The following ANKFN1 variants were observed in gnomAD, a reference collection of about 807,000 sequenced individuals.
ANKFN1 encodes the protein ankyrin repeat and fibronectin type-III domain-containing protein 1.
A neutral mutation model predicts 108.7 loss-of-function variants in ANKFN1; 74 were observed. The observed-to-expected ratio is 0.68, with a 90% CI of 0.56 to 0.83. The LOEUF is 0.83. Ranked by LOEUF, ANKFN1 falls within the 40% of genes least tolerant of loss-of-function variation. The pLI is 0.00. For synonymous variants in ANKFN1, 547 were observed against 516.2 expected (o/e 1.06, Z -0.81); for missense variants, 1,505 against 1,382.3 (o/e 1.09, Z -1.41).
chr17:56,236,808 A>T (rs990139387), intron 3 of ANKFN1, among the ~76,000 whole-genome samples: 1 of 152,126 alleles, frequency 6.6e-6, no homozygotes, highest in Non-Finnish European at 1.5e-5. Context: ...AACCTAATAC[A>T]TTGACTATGA....
intron 7 of ANKFN1, among the ~76,000 whole-genome samples, chr17:56,373,668 C>T (rs1053716431): frequency 1.7e-4 from 26 of 152,132 alleles, no homozygotes; most frequent in African/African-American, 6.3e-4. Context: ...CACTAAATAC[C>T]AAATCTAGGC....
In ANKFN1 at chr17:56,350,850, C is replaced by A. The variant is rs201436645; in HGVS notation, c.273C>A (p.Asn91Lys). 1.2e-6 allele frequency: 2 copies of A among 1,613,856 alleles called. No individual in the cohort carries two copies. Among genetic ancestry groups the A allele is most frequent in the Non-Finnish European group, 1.7e-6 (2 of 1,179,884 alleles). Reference sequence around the variant, plus strand: ...AACATAGTGCTCCCTCATCTCCCAACGCAGCCAAACGCCTGTACAGGAACC... The same window carrying A: ...AACATAGTGCTCCCTCATCTCCCAAAGCAGCCAAACGCCTGTACAGGAACC... ...SKKHSAPSSP[N>K]AAKRLYRNLS... Residue 91 changes from asparagine to lysine, a missense_variant, in exon 5 of 21, where the codon AAC (asparagine) becomes AAA (lysine). Asn to Lys is a moderately conservative substitution (Grantham distance 94). Transcript: ENST00000682825.
intron 8 of ANKFN1, among the ~76,000 whole-genome samples, chr17:56,419,045 C>T (rs991362609): frequency 6.6e-6 from 1 of 152,202 alleles, no homozygotes; most frequent in Non-Finnish European, 1.5e-5. Context: ...CACCTCAGCC[C>T]TTAGATGTCT....
At chr17:56,204,106 G>A (rs1914302174) in intron 1 of ANKFN1, among the ~76,000 whole-genome samples, 1 of 152,270 alleles carries the variant, frequency 6.6e-6, no homozygotes, top group Middle Eastern at 3.4e-3. Context: ...AAGTGCAATG[G>A]CACGATCTCG....
chr17:56,073,719 T>C (rs1445321284), intron 4 of ANKFN1, among the ~76,000 whole-genome samples: 1 of 152,278 alleles, frequency 6.6e-6, no homozygotes, highest in Admixed American at 6.5e-5. Flanking sequence ...TTTCTGTTTC[T>C]GTGGATTTAC....
intron 4 of ANKFN1, among the ~76,000 whole-genome samples, chr17:56,333,936 G>A (rs768479990): frequency 6.6e-6 from 1 of 152,060 alleles, no homozygotes; most frequent in African/African-American, 2.4e-5. Flanking sequence ...GACCAACCGT[G>A]TGTTTCCCTC....
At chr17:56,391,568 A>C (rs991241624) in intron 8 of ANKFN1, among the ~76,000 whole-genome samples, 3 of 151,866 alleles carry the variant, frequency 2.0e-5, no homozygotes, top group Non-Finnish European at 2.9e-5. Flanking sequence ...CTGGGATTAC[A>C]GGCATGTGCC....
chr17:56,129,037 GAA>G (rs1378070825), intron 4 of ANKFN1, among the ~76,000 whole-genome samples: 1 of 151,994 alleles, frequency 6.6e-6, no homozygotes, highest in African/African-American at 2.4e-5. Context: ...AAGATGAGGA[GAA>G]AAAAGGAGAA....
intron 14 of ANKFN1, among the ~76,000 whole-genome samples, chr17:56,460,056 T>TAAAAA (rs57118539): frequency 1.4e-5 from 2 of 148,050 alleles, no homozygotes; most frequent in Non-Finnish European, 3.0e-5. Context: ...CATTGCCACA[T>TAAAAA]AAAAAAAAAA....
chr17:56,494,989 T>G (rs910633333), intron 19 of ANKFN1, among the ~76,000 whole-genome samples: 3 of 152,178 alleles, frequency 2.0e-5, no homozygotes, highest in Non-Finnish European at 4.4e-5. Flanking sequence ...CCTTTTTCTC[T>G]TCTTTTATGT....
intron 20 of ANKFN1, among the ~76,000 whole-genome samples, chr17:56,502,339 C>T (rs996256170): frequency 2.0e-5 from 3 of 152,160 alleles, no homozygotes; most frequent in Admixed American, 2.0e-4. Flanking sequence ...TTGCACCACT[C>T]CCTGCTAAGA....
At chr17:56,108,127 C>G (rs937486549) in intron 4 of ANKFN1, among the ~76,000 whole-genome samples, 1 of 152,222 alleles carries the variant, frequency 6.6e-6, no homozygotes, top group African/African-American at 2.4e-5. Flanking sequence ...CCTCTGCCTC[C>G]CAGGTTCAAG....
At chr17:56,479,294 C>T (rs1456908062) in intron 16 of ANKFN1, among the ~76,000 whole-genome samples, 2 of 152,078 alleles carry the variant, frequency 1.3e-5, no homozygotes, top group Admixed American at 1.3e-4. Context: ...ATATTCCTAC[C>T]GGTAATTTAT....
intron 3 of ANKFN1, among the ~76,000 whole-genome samples, chr17:56,310,449 C>G (rs1162592712): frequency 6.6e-6 from 1 of 151,956 alleles, no homozygotes; most frequent in East Asian, 1.9e-4. Context: ...AACCCCATCT[C>G]CACTAAAAAT....
intron 4 of ANKFN1, among the ~76,000 whole-genome samples, chr17:56,345,932 C>T (rs974039334): frequency 6.6e-6 from 1 of 152,104 alleles, no homozygotes; most frequent in African/African-American, 2.4e-5. Context: ...TTTGCAATTG[C>T]TTTTCATGTT....
intron 19 of ANKFN1, among the ~76,000 whole-genome samples, chr17:56,495,899 T>C (rs1457560564): frequency 2.6e-5 from 4 of 152,138 alleles, no homozygotes; most frequent in African/African-American, 9.7e-5. Flanking sequence ...GAAAGGAATA[T>C]AATTTACGAG....
intron 4 of ANKFN1, among the ~76,000 whole-genome samples, chr17:56,071,244 C>T (rs1477608104): frequency 1.3e-5 from 2 of 152,286 alleles, no homozygotes; most frequent in Admixed American, 1.3e-4. Context: ...CATTTCTGGG[C>T]TGAGTTTTGC....
intron 3 of ANKFN1, among the ~76,000 whole-genome samples, chr17:56,235,980 C>T (rs988367303): frequency 5.3e-5 from 8 of 152,110 alleles, no homozygotes; most frequent in Non-Finnish European, 1.2e-4. Context: ...TTCTTCCTAT[C>T]CATGATCCAT....
intron 4 of ANKFN1, among the ~76,000 whole-genome samples, chr17:56,336,017 T>C (rs1486618002): frequency 6.6e-6 from 1 of 152,196 alleles, no homozygotes; most frequent in East Asian, 1.9e-4. Flanking sequence ...TGGATTACGT[T>C]TATTGATTTT....
Sources: gnomAD v4.1 joint callset for allele counts (sites outside exome capture counted in the v4.1 genomes callset) on GRCh38, gnomAD v4.1.1 for gene constraint, MANE v1.5 for transcripts, NCBI Gene and HGNC (gene_info 2026-07-23, HGNC 2026-07-21) for gene names.